Variants in PCSK5 observed in about 807,000 individuals in gnomAD.
PCSK5 encodes the protein prohormone convertase 5.
Under a neutral mutation model 233.2 loss-of-function variants are expected in PCSK5, and 129 were observed. That is an observed-to-expected ratio of 0.55 (90% CI 0.48 to 0.64). The LOEUF is 0.64. PCSK5 is among the 30% of genes least tolerant of loss of function. PCSK5 has a pLI of 0.00. For missense variants in PCSK5, 2,076 were observed against 2,430.1 expected, an observed-to-expected ratio of 0.85 and a Z score of 3.06; for synonymous variants, 825 against 879.2, an observed-to-expected ratio of 0.94 and a Z score of 1.09.
At chr9:75,908,270 C>G (rs1265319372) in intron 1 of PCSK5, among the ~76,000 whole-genome samples, 1 of 152,198 alleles carries the variant, frequency 6.6e-6, no homozygotes, top group South Asian at 2.1e-4. Flanking sequence ...TGCAAACCTC[C>G]AGGCCTTCAG....
At chr9:76,351,532 G>GAAAGAAA (rs1564196982) in intron 36 of PCSK5, among the ~76,000 whole-genome samples, 1 of 94,462 alleles carries the variant, frequency 1.1e-5, no homozygotes, top group Non-Finnish European at 2.3e-5. Flanking sequence ...AAGAAAGAAA[G>GAAAGAAA]GAAGGAAAGA....
intron 24 of PCSK5, among the ~76,000 whole-genome samples, chr9:76,289,513 A>ACACACAC (rs1441487777): frequency 3.4e-4 from 26 of 75,834 alleles, no homozygotes; most frequent in African/African-American, 9.2e-4. Flanking sequence ...ACACACACGC[A>ACACACAC]ACATACACAC....
intron 15 of PCSK5, among the ~76,000 whole-genome samples, chr9:76,180,061 A>T (rs1823781468): frequency 7.8e-6 from 1 of 127,580 alleles, no homozygotes; most frequent in African/African-American, 3.1e-5. Context: ...GCATAACATG[A>T]TGTTTATATA....
chr9:75,960,955 G>GT (rs397785318), intron 2 of PCSK5, among the ~76,000 whole-genome samples: 11 of 151,848 alleles, frequency 7.2e-5, no homozygotes, highest in African/African-American at 7.3e-5. Context: ...CTTCTATAAG[G>GT]AAATTGAAAT....
In PCSK5 at chr9:75,983,946, G is replaced by A. The variant is rs141334704; in HGVS notation, c.298-2186G>A. On this transcript the variant is annotated intron_variant, in intron 2 of 37. Coordinates refer to ENST00000674117, the MANE Select transcript of PCSK5 (RefSeq NM_001372043.1). ...AATACAGGGCTATATACACATACCCGTAAGGCACCCAGGCAAAATACATGG... is the reference window on the plus strand; with the variant it reads ...AATACAGGGCTATATACACATACCCATAAGGCACCCAGGCAAAATACATGG... Among the ~76,000 whole-genome samples, 284 of 152,072 alleles carry A rather than the reference G, an allele frequency of 1.9e-3. 2 individuals carry two copies. Among genetic ancestry groups the A allele is most frequent in the Non-Finnish European group, 3.3e-3 (221 of 67,976 alleles).
intron 20 of PCSK5, among the ~76,000 whole-genome samples, chr9:76,190,652 A>G (rs961313483): frequency 6.6e-6 from 1 of 152,224 alleles, no homozygotes. Flanking sequence ...ATGTATAAAC[A>G]GTAATTAAAT....
Position 76,359,285 on chromosome 9 carries a change from G to C in PCSK5, c.*363G>C. On this transcript the variant is annotated 3_prime_UTR_variant, in exon 38 of 38. Transcript: ENST00000674117. ...GCAGATCTATAGAAATTCTGTTTCC[G>C]AGCTGCATTGTGGAGGTGTCTGCTG... 4.9e-6 allele frequency: 1 copy of C among 204,086 alleles called. No individual in the cohort carries two copies. Among genetic ancestry groups the C allele is most frequent in the Admixed American group, 5.2e-5 (1 of 19,246 alleles). 12.6% of individuals were successfully genotyped at this position (204,086 alleles called of 1,614,324 possible).
intron 1 of PCSK5, among the ~76,000 whole-genome samples, chr9:75,897,220 A>C (rs1825843236): frequency 6.6e-6 from 1 of 152,216 alleles, no homozygotes; most frequent in Admixed American, 6.5e-5. Context: ...GGCACTCAGA[A>C]GAGAATAACA....
intron 12 of PCSK5, among the ~76,000 whole-genome samples, chr9:76,160,664 A>G (rs953965263): frequency 2.6e-5 from 4 of 152,234 alleles, no homozygotes; most frequent in South Asian, 2.1e-4. Flanking sequence ...CGAACTTGCC[A>G]GTTGCTTTTA....
intron 7 of PCSK5, among the ~76,000 whole-genome samples, chr9:76,085,755 T>A (rs1210298646): frequency 6.6e-6 from 1 of 152,214 alleles, no homozygotes; most frequent in Non-Finnish European, 1.5e-5. Flanking sequence ...GTGTGACAGT[T>A]CAGGCCCCAT....
At chr9:76,021,298 T>C (rs533250545) in intron 3 of PCSK5, among the ~76,000 whole-genome samples, 1 of 152,182 alleles carries the variant, frequency 6.6e-6, no homozygotes, top group Non-Finnish European at 1.5e-5. Flanking sequence ...TGGGTCGTTG[T>C]TGGATTGCAT....
intron 3 of PCSK5, among the ~76,000 whole-genome samples, chr9:75,987,149 G>C (rs1253014377): frequency 1.4e-4 from 21 of 152,090 alleles, no homozygotes; most frequent in Admixed American, 1.4e-3. Flanking sequence ...TCCCATAGCT[G>C]CCTCATGCTT....
chr9:75,904,606 G>C (rs1826182137), intron 1 of PCSK5, among the ~76,000 whole-genome samples: 1 of 152,170 alleles, frequency 6.6e-6, no homozygotes, highest in African/African-American at 2.4e-5. Context: ...ACACTCACTA[G>C]GATGGCTATA....
intron 9 of PCSK5, among the ~76,000 whole-genome samples, chr9:76,131,952 C>T (rs925820035): frequency 6.6e-6 from 1 of 152,062 alleles, no homozygotes; most frequent in African/African-American, 2.4e-5. Context: ...TGGTATCTCA[C>T]TGTTTACTCA....
intron 9 of PCSK5, among the ~76,000 whole-genome samples, chr9:76,110,518 C>G (rs977498675): frequency 6.6e-6 from 1 of 152,136 alleles, no homozygotes; most frequent in East Asian, 1.9e-4. Flanking sequence ...ATTGGCCTCT[C>G]TGCCATTCAA....
intron 35 of PCSK5, among the ~76,000 whole-genome samples, chr9:76,339,597 T>G (rs1471614948): frequency 6.6e-6 from 1 of 152,152 alleles, no homozygotes. Flanking sequence ...CAGGCTGGAG[T>G]GCAGTGGCGC....
At chr9:75,929,166 C>T (rs1401033056) in intron 1 of PCSK5, among the ~76,000 whole-genome samples, 1 of 152,146 alleles carries the variant, frequency 6.6e-6, no homozygotes, top group Admixed American at 6.5e-5. Flanking sequence ...ATCTCTTCAC[C>T]TCATGATCCC....
At chr9:76,263,955 A>C (rs1827259738) in intron 24 of PCSK5, among the ~76,000 whole-genome samples, 3 of 152,144 alleles carry the variant, frequency 2.0e-5, no homozygotes, top group African/African-American at 7.2e-5. Context: ...AGCAGAAACT[A>C]TTCTAAAACT....
chr9:76,290,815 G>A (rs1203915759), intron 24 of PCSK5, among the ~76,000 whole-genome samples: 1 of 152,196 alleles, frequency 6.6e-6, no homozygotes, highest in Non-Finnish European at 1.5e-5. Context: ...CATACAAATA[G>A]ATGGCAAGGT....
Sources: gnomAD v4.1 joint callset for allele counts (sites outside exome capture counted in the v4.1 genomes callset) on GRCh38, gnomAD v4.1.1 for gene constraint, MANE v1.5 for transcripts, NCBI Gene and HGNC (gene_info 2026-07-23, HGNC 2026-07-21) for gene names.